The following DIS3 variants were observed in gnomAD, a reference collection of about 807,000 sequenced individuals.
The protein encoded by DIS3 is DIS3 exosome endoribonuclease and 3'-5' exoribonuclease, also known as exosome complex exonuclease RRP44.
A neutral mutation model predicts 113.0 loss-of-function variants in DIS3; 103 were observed. The ratio of observed to expected loss-of-function variants is 0.91; its 90% CI spans 0.78 to 1.07. The LOEUF (loss-of-function observed/expected upper bound fraction) is 1.07, where lower values mean the gene tolerates loss of function less well. Among genes scored for constraint, DIS3 ranks in the 50% least tolerant of loss-of-function variants. The probability of loss-of-function intolerance (pLI) is 0.00; values close to 1 mark genes in which losing one functional copy is unlikely to be tolerated. For missense variants in DIS3, 1,121 were observed against 1,167.1 expected (o/e 0.96, Z 0.58); for synonymous variants, 402 against 394.3 (o/e 1.02, Z -0.23).
chr13:72,755,198 T>C lies in DIS3; in HGVS notation c.*4597A>G. ...GTTGGATGAAAACAGCAAGCCCTTT[T>C]CAATGCAGCAGTCCATAGAATGCCT... is the stretch of plus-strand genomic sequence containing the variant. On this transcript the variant is annotated 3_prime_UTR_variant, in exon 21 of 21. Coordinates refer to ENST00000377767, the MANE Select transcript of DIS3 (RefSeq NM_014953.5). 6.2e-6 allele frequency: 10 copies of C among 1,613,502 alleles called. No homozygotes were observed. The highest frequency in any genetic ancestry group is 8.5e-6 in the Non-Finnish European group (10 of 1,179,606).
chr13:72,763,807 T>C (rs1039325487), intron 15 of DIS3, among the ~76,000 whole-genome samples, 200 bp from the exon 16 acceptor site: 1 of 152,180 alleles, frequency 6.6e-6, no homozygotes, highest in Non-Finnish European at 1.5e-5. Flanking sequence ...CAATCTCTTA[T>C]TATGCAACTA....
chr13:72,765,396 T>C (rs1593838853), intron 15 of DIS3, among the ~76,000 whole-genome samples: 2 of 152,282 alleles, frequency 1.3e-5, no homozygotes, highest in Middle Eastern at 3.4e-3. Context: ...TACTATCTAT[T>C]ATTCTATCCT....
chr13:72,755,281 T>A lies in DIS3; in HGVS notation c.*4514A>T. On this transcript the variant is annotated 3_prime_UTR_variant, in exon 21 of 21. Coordinates refer to ENST00000377767, the MANE Select transcript of DIS3 (RefSeq NM_014953.5). ...CTCGCATATATCGTTGTGCACAGGA[T>A]CAACATGATGGTGACTGGGAAAAAA... 1 of 1,374,936 alleles carries A rather than the reference T, an allele frequency of 7.3e-7. No homozygotes were observed. The highest frequency in any genetic ancestry group is 1.0e-6 in the Non-Finnish European group (1 of 971,112). The allele number at this position is 1,374,936 out of a possible 1,614,324, so 85.2% of individuals were successfully genotyped here.
chr13:72,754,015 A>G lies in DIS3; in HGVS notation c.*5780T>C. On this transcript the variant is annotated 3_prime_UTR_variant, in exon 21 of 21. Coordinates refer to ENST00000377767, the MANE Select transcript of DIS3 (RefSeq NM_014953.5). Reference sequence around the variant, plus strand: ...ATACACAAGTATCTTACATACTACAAAGTGTGCAAAGGTAGCGTGTATTTG... The same window carrying G: ...ATACACAAGTATCTTACATACTACAGAGTGTGCAAAGGTAGCGTGTATTTG... 1.9e-6 allele frequency: 1 copy of G among 536,892 alleles called. No individual in the cohort carries two copies. The highest frequency in any genetic ancestry group is 3.2e-6 in the Non-Finnish European group (1 of 312,770). 33.3% of individuals were successfully genotyped at this position (536,892 alleles called of 1,614,324 possible).
At chr13:72,772,440 G>A (rs945541658) in intron 9 of DIS3, among the ~76,000 whole-genome samples, 165 bp from the exon 10 acceptor site, 12 of 152,086 alleles carry the variant, frequency 7.9e-5, no homozygotes, top group Non-Finnish European at 5.9e-5. Flanking sequence ...GAGACACCAC[G>A]TATGATTTGT....
intron 1 of DIS3, 23 bp downstream of exon 1, chr13:72,781,582 C>A: frequency 1.3e-6 from 2 of 1,486,052 alleles, no homozygotes; most frequent in Non-Finnish European, 1.8e-6. Flanking sequence ...GCCGCGCTGT[C>A]CGCGGTTCGC....
rs1305041299 is a variant in DIS3, at chr13:72,770,910, A to G, written c.1749T>C (p.Asn583=). The G allele has an allele frequency of 1.3e-6, 2 of 1,597,082 alleles. No individual in the cohort carries two copies. Among genetic ancestry groups the G allele is most frequent in the South Asian group, 2.3e-5 (2 of 87,468 alleles). ...LKTKFTKSVI[N]SKASLTYAEA... ...TAATAGCCATGAAACGAACCTTTGA[A>G]TTAATAACACTTTTGGTAAACTTCG... The change falls in exon 13 of 21, where the codon AAT becomes AAC. Residue 583 remains asparagine (N), a synonymous_variant. Transcript: ENST00000377767.
rs935667718 is a variant in DIS3, at chr13:72,763,370, T to C, written c.2127+81A>G. ...GTATTAACAAACAATAAAACCTTTA[T>C]GGAAATATGAATATAAATTATTTAG... On this transcript the variant is annotated intron_variant, in intron 16 of 20. Transcript: ENST00000377767. The C allele has an allele frequency of 2.1e-6, 3 of 1,445,952 alleles. No homozygotes were observed. In the African/African-American group the frequency reaches 4.4e-5, roughly 21 times the overall value. 89.6% of individuals were successfully genotyped at this position (1,445,952 alleles called of 1,614,324 possible).
chr13:72,764,614 T>C (rs963782844), intron 15 of DIS3, among the ~76,000 whole-genome samples: 2 of 152,242 alleles, frequency 1.3e-5, no homozygotes, highest in Non-Finnish European at 2.9e-5. Flanking sequence ...GTTATTCACA[T>C]ACATTTTTCG....
chr13:72,764,123 G>C (rs1004868618), intron 15 of DIS3, among the ~76,000 whole-genome samples: 3 of 152,138 alleles, frequency 2.0e-5, no homozygotes, highest in Non-Finnish European at 4.4e-5. Context: ...CTGCACTCCA[G>C]GCTGGGTGAC....
In DIS3 at chr13:72,765,956, C is replaced by A. The variant is rs201522299; in HGVS notation, c.1970+16G>T. 1.9e-6 allele frequency: 3 copies of A among 1,579,060 alleles called. No homozygotes were observed. Among genetic ancestry groups the A allele is most frequent in the Non-Finnish European group, 2.6e-6 (3 of 1,163,800 alleles). On this transcript the variant is annotated intron_variant, in intron 15 of 20. Transcript: ENST00000377767. Reference sequence around the variant, plus strand: ...TAAAAAAATCTTATCTAATGCCCATCAAAAAAATTACAAACCTAAGTTCCT... The same window carrying A: ...TAAAAAAATCTTATCTAATGCCCATAAAAAAAATTACAAACCTAAGTTCCT...
intron 7 of DIS3, 34 bp from the exon 8 acceptor site, chr13:72,773,855 A>G (rs762436979): frequency 3.8e-6 from 6 of 1,597,066 alleles, no homozygotes; most frequent in Non-Finnish European, 5.1e-6. Flanking sequence ...TTTTACACAA[A>G]AAAAATCTGA....
intron 14 of DIS3, 36 bp downstream of exon 14, chr13:72,768,748 TA>T (rs906454065): frequency 5.4e-6 from 8 of 1,472,414 alleles, no homozygotes; most frequent in Non-Finnish European, 7.5e-6. Flanking sequence ...GTAAAGAGTA[TA>T]AAAATTATCT....
chr13:72,768,932 TTA>T lies in DIS3; in HGVS notation c.1756-22_1756-21del. 1 of 1,524,550 alleles carries T rather than the reference TTA, an allele frequency of 6.6e-7. No homozygotes were observed. The highest frequency in any genetic ancestry group is 9.0e-7 in the Non-Finnish European group (1 of 1,110,274). The allele number at this position is 1,524,550 out of a possible 1,614,324, so 94.4% of individuals were successfully genotyped here. A position where few individuals can be genotyped will look rare whatever the true frequency, so the allele number is the denominator to read the frequency against. On this transcript the variant is annotated intron_variant, in intron 13 of 20. Transcript: ENST00000377767. ...AGATGCCTAAAAAAGAAAATGTATG[TTA>T]TATAATTCTTATAAATGATAGAAAA...
At chr13:72,770,582 C>A (rs1046358546) in intron 13 of DIS3, among the ~76,000 whole-genome samples, 1 of 152,142 alleles carries the variant, frequency 6.6e-6, no homozygotes, top group Admixed American at 6.5e-5. Flanking sequence ...GTTCTGCATT[C>A]TTCTCTGAGA....
chr13:72,771,905 G>T lies in DIS3; in HGVS notation c.1504-9C>A, dbSNP rs1441721876. The T allele has an allele frequency of 1.9e-6, 3 of 1,610,302 alleles. No individual in the cohort carries two copies. Among genetic ancestry groups the T allele is most frequent in the Non-Finnish European group, 1.7e-6 (2 of 1,178,640 alleles). On this transcript the variant is annotated splice_polypyrimidine_tract_variant and intron_variant, in intron 10 of 20. Coordinates refer to ENST00000377767, the MANE Select transcript of DIS3 (RefSeq NM_014953.5). The stretch of plus-strand genomic sequence containing the variant: ...GCAATATGAACACCAACCTTAAAAA[G>T]ATAAAAATAAAAGGATGTCAATATG...
intron 1 of DIS3, chr13:72,781,384 G>C: frequency 6.5e-7 from 1 of 1,546,156 alleles, no homozygotes; most frequent in African/African-American, 1.4e-5. Context: ...CCAGGAGTTA[G>C]AAAAATAACG....
chr13:72,781,654 C>T lies in DIS3; in HGVS notation c.179G>A (p.Cys60Tyr). Reference sequence around the variant, plus strand: ...GGGCAGCAAGTAGTGCGGTTGCGGGCAGACGCTGCTCGCCGGGTCCTGGGG... The same window carrying T: ...GGGCAGCAAGTAGTGCGGTTGCGGGTAGACGCTGCTCGCCGGGTCCTGGGG... ...PQPQDPASSV[C>Y]PQPHYLLPDT... The change falls in exon 1 of 21, where the codon TGC (cysteine) becomes TAC (tyrosine). Residue 60 changes from cysteine to tyrosine, a missense_variant. Physicochemically the swap from Cys to Tyr is radical, Grantham distance 194. Transcript: ENST00000377767. 2 of 1,545,762 alleles carry T rather than the reference C, an allele frequency of 1.3e-6. No individual in the cohort carries two copies. The highest frequency in any genetic ancestry group is 1.7e-6 in the Non-Finnish European group (2 of 1,144,552).
Position 72,755,560 on chromosome 13 carries a change from T to A in DIS3, c.*4235A>T. ...CTGGTAGCACTGAATTTAGCAGTTC[T>A]GAGAACATGTGAAACTATGTTAAAA... On this transcript the variant is annotated 3_prime_UTR_variant, in exon 21 of 21. Coordinates refer to ENST00000377767, the MANE Select transcript of DIS3 (RefSeq NM_014953.5). 1 of 332,710 alleles carries A rather than the reference T, an allele frequency of 3.0e-6. No homozygotes were observed. Among genetic ancestry groups the A allele is most frequent in the Non-Finnish European group, 5.4e-6 (1 of 186,252 alleles). The allele number at this position is 332,710 out of a possible 1,614,324, so 20.6% of individuals were successfully genotyped here.
Sources: gnomAD v4.1 joint callset for allele counts (sites outside exome capture counted in the v4.1 genomes callset) on GRCh38, gnomAD v4.1.1 for gene constraint, MANE v1.5 for transcripts, NCBI Gene and HGNC (gene_info 2026-07-23, HGNC 2026-07-21) for gene names.